NCKAP5: variants seen among roughly 807,000 people sequenced by gnomAD.
NCKAP5 encodes NCK associated protein 5.
A neutral mutation model predicts 167.0 loss-of-function variants in NCKAP5; 92 were observed. The ratio of observed to expected loss-of-function variants is 0.55; its 90% CI spans 0.47 to 0.66. NCKAP5 has a LOEUF of 0.66. Among genes scored for constraint, NCKAP5 ranks in the 30% least tolerant of loss-of-function variants. The pLI, the probability that NCKAP5 is intolerant of heterozygous loss-of-function variation, is 0.00. For missense variants in NCKAP5, 2,378 were observed against 2,315.0 expected, an observed-to-expected ratio of 1.03 and a Z score of -0.56; for synonymous variants, 891 against 877.4, an observed-to-expected ratio of 1.02 and a Z score of -0.27.
In NCKAP5 at chr2:133,272,687, C is replaced by G. The variant is rs961169576; in HGVS notation, c.143+30350G>C. Reference sequence around the variant, plus strand: ...CATCCCCTTAGAACAATTTATTTACCCCCAAAAAGTACCTATTAACATTCA... The same window carrying G: ...CATCCCCTTAGAACAATTTATTTACGCCCAAAAAGTACCTATTAACATTCA... On this transcript the variant is annotated intron_variant, in intron 4 of 19. Coordinates refer to ENST00000409261, the MANE Select transcript of NCKAP5 (RefSeq NM_207363.3). Among the ~76,000 whole-genome samples, 28 of 152,034 alleles carry G rather than the reference C, an allele frequency of 1.8e-4. 1 individual carries two copies. Among genetic ancestry groups the G allele is most frequent in the Admixed American group, 1.6e-3 (24 of 15,268 alleles).
chr2:133,478,679 T>G (rs1485020676), intron 3 of NCKAP5, among the ~76,000 whole-genome samples: 1 of 152,200 alleles, frequency 6.6e-6, no homozygotes, highest in African/African-American at 2.4e-5. Flanking sequence ...ACATACAGGA[T>G]AGTGATTTCA....
At chr2:133,568,490 C>G (rs1688726983), upstream of NCKAP5, 1 of 151,502 alleles carries the variant, frequency 6.6e-6, no homozygotes, top group African/African-American at 2.4e-5. Flanking sequence ...GCTCCGTGGA[C>G]AAAGTCCCAA....
At chr2:133,503,874 CA>C (rs1336183568) in intron 3 of NCKAP5, among the ~76,000 whole-genome samples, 1 of 152,228 alleles carries the variant, frequency 6.6e-6, no homozygotes, top group African/African-American at 2.4e-5. Flanking sequence ...CCCACCAAAT[CA>C]GTCAAGAGTG....
At chr2:133,083,153 C>G (rs2080869291) in intron 6 of NCKAP5, among the ~76,000 whole-genome samples, 1 of 152,098 alleles carries the variant, frequency 6.6e-6, no homozygotes, top group African/African-American at 2.4e-5. Flanking sequence ...AATTATTTGA[C>G]AGTTGCTCAG....
chr2:133,583,854 C>T, the NCKAP5 span, among the ~76,000 whole-genome samples: 27 of 152,142 alleles, frequency 1.8e-4, no homozygotes, highest in Admixed American at 1.0e-3. Flanking sequence ...CCTGGGTTCA[C>T]GCCATTCTCC....
At chr2:132,779,225 C>T (rs750741531) in intron 15 of NCKAP5, among the ~76,000 whole-genome samples, 4 of 152,156 alleles carry the variant, frequency 2.6e-5, no homozygotes, top group African/African-American at 4.8e-5. Flanking sequence ...GGCAAATAAC[C>T]TTAGCATTAG....
chr2:132,927,564 C>T (rs554432155), intron 8 of NCKAP5, among the ~76,000 whole-genome samples: 188 of 152,188 alleles, frequency 1.2e-3, no homozygotes, highest in Non-Finnish European at 2.1e-3. Context: ...TAATTTTCCT[C>T]ATAGAGATCT....
chr2:133,092,853 T>C lies in NCKAP5; in HGVS notation c.341+37125A>G, dbSNP rs371394545. Among the ~76,000 whole-genome samples, 29 of 152,300 alleles carry C rather than the reference T, an allele frequency of 1.9e-4. No homozygotes were observed. The East Asian group carries it at 5.2e-3, about 27-fold the overall frequency. On this transcript the variant is annotated intron_variant, in intron 6 of 19. Transcript: ENST00000409261. ...CAGTTCCAGCCATTGGCTAATGAGA[T>C]GGCACAATCAGAATTAGAGGAATAT...
intron 6 of NCKAP5, among the ~76,000 whole-genome samples, chr2:133,114,909 G>T (rs2149731195): frequency 6.6e-6 from 1 of 152,160 alleles, no homozygotes; most frequent in Middle Eastern, 3.4e-3. Context: ...TCTCTCTCTG[G>T]TATGTTAGCA....
chr2:133,263,825 A>G (rs1478377795), intron 4 of NCKAP5, among the ~76,000 whole-genome samples: 1 of 151,878 alleles, frequency 6.6e-6, no homozygotes, highest in Non-Finnish European at 1.5e-5. Context: ...CACATAAGGC[A>G]CACAAACTCT....
chr2:132,716,695 C>T (rs990371971), intron 19 of NCKAP5, among the ~76,000 whole-genome samples: 1 of 152,150 alleles, frequency 6.6e-6, no homozygotes, highest in African/African-American at 2.4e-5. Context: ...GCTTGGTCTC[C>T]ATCTCTGCTG....
intron 3 of NCKAP5, among the ~76,000 whole-genome samples, chr2:133,515,493 G>C (rs1282036975): frequency 6.6e-6 from 1 of 152,152 alleles, no homozygotes; most frequent in Non-Finnish European, 1.5e-5. Context: ...GCATGACACA[G>C]GGAGACTTAA....
At chr2:133,212,681 C>G (rs2086262080) in intron 5 of NCKAP5, among the ~76,000 whole-genome samples, 1 of 152,180 alleles carries the variant, frequency 6.6e-6, no homozygotes, top group African/African-American at 2.4e-5. Context: ...AATGTTTCTT[C>G]ATACCATTTG....
At chr2:133,566,881 G>A (rs1217331834) in intron 1 of NCKAP5, among the ~76,000 whole-genome samples, 1 of 152,222 alleles carries the variant, frequency 6.6e-6, no homozygotes, top group African/African-American at 2.4e-5. Flanking sequence ...TAAGCCTAAT[G>A]TGTTCTGATG....
At chr2:133,616,992 T>A in the NCKAP5 span, among the ~76,000 whole-genome samples, 5 of 151,574 alleles carry the variant, frequency 3.3e-5, no homozygotes, top group Admixed American at 6.6e-5. Flanking sequence ...GCAAGTCTGG[T>A]TCAATATACG....
At chr2:132,954,654 CT>C (rs1279482072) in intron 8 of NCKAP5, 1 of 454,462 alleles carries the variant, frequency 2.2e-6, no homozygotes, top group Non-Finnish European at 4.4e-6. Context: ...AAACAGGCTA[CT>C]TAACTGTATA....
At chr2:133,290,780 G>T (rs1679537130) in intron 4 of NCKAP5, among the ~76,000 whole-genome samples, 1 of 145,136 alleles carries the variant, frequency 6.9e-6, no homozygotes, top group South Asian at 2.2e-4. Flanking sequence ...TTGATACAGG[G>T]TCTTGCTCTG....
intron 15 of NCKAP5, among the ~76,000 whole-genome samples, chr2:132,778,861 T>A (rs4143562): frequency 0.18 from 27,411 of 152,158 alleles, 3,005 homozygotes; most frequent in East Asian, 0.29. Context: ...TTCCCTCCTA[T>A]TCTTGTACCA....
At chr2:133,425,988 C>T (rs1468957025) in intron 3 of NCKAP5, among the ~76,000 whole-genome samples, 1 of 152,076 alleles carries the variant, frequency 6.6e-6, no homozygotes, top group Non-Finnish European at 1.5e-5. Flanking sequence ...ATAGAAAATG[C>T]AGGCCAGGCA....
Sources: gnomAD v4.1 joint callset for allele counts (sites outside exome capture counted in the v4.1 genomes callset) on GRCh38, gnomAD v4.1.1 for gene constraint, MANE v1.5 for transcripts, NCBI Gene and HGNC (gene_info 2026-07-23, HGNC 2026-07-21) for gene names.